The following DNAJC11 variants were observed in gnomAD, a reference collection of about 807,000 sequenced individuals.
The protein encoded by DNAJC11 is dnaJ homolog subfamily C member 11.
In DNAJC11, 15 loss-of-function variants were observed where a neutral mutation model predicts 78.6. The ratio of observed to expected loss-of-function variants is 0.19; its 90% CI spans 0.13 to 0.29. The LOEUF is 0.29. DNAJC11 is among the 10% of genes least tolerant of loss of function. The probability of loss-of-function intolerance (pLI) is 1.00; values close to 1 mark genes in which losing one functional copy is unlikely to be tolerated. For synonymous variants in DNAJC11, 292 were observed against 272.1 expected (o/e 1.07, Z -0.72); for missense variants, 547 against 709.6 (o/e 0.77, Z 2.60).
Position 6,645,852 on chromosome 1 carries a change from C to T in DNAJC11, c.831G>A (p.Gln277=), listed in dbSNP as rs749541279. ...GGACGATGCTAGTGTTCATGGCTGACTGGATACCCCATCGCCACTGCAGGT... is the reference window on the plus strand; with the variant it reads ...GGACGATGCTAGTGTTCATGGCTGATTGGATACCCCATCGCCACTGCAGGT... ...VGYLQWRWGI[Q]SAMNTSIVRD... The change falls in exon 8 of 16, where the codon CAG becomes CAA. Residue 277 remains glutamine, a synonymous_variant. Transcript: ENST00000377577. The surrounding 1 kb of genome is among the most constrained non-coding windows in gnomAD (Gnocchi z 4.1). The T allele has an allele frequency of 7.4e-6, 12 of 1,614,080 alleles. No homozygotes were observed. The highest frequency in any genetic ancestry group is 1.0e-5 in the Non-Finnish European group (12 of 1,180,048).
At chr1:6,701,613 C>T in intron 1 of DNAJC11, 116 bp downstream of exon 1, 1 of 1,081,380 alleles carries the variant, frequency 9.2e-7, no homozygotes, top group Non-Finnish European at 1.3e-6. Flanking sequence ...GGTCACGCGG[C>T]CTCCCCGACG....
chr1:6,688,170 T>C (rs1244838786), intron 1 of DNAJC11, among the ~76,000 whole-genome samples: 1 of 152,170 alleles, frequency 6.6e-6, no homozygotes, highest in African/African-American at 2.4e-5. Flanking sequence ...GAAAAGCCAT[T>C]GTTTCATCTT....
intron 9 of DNAJC11, 113 bp downstream of exon 9, chr1:6,644,928 G>A: frequency 9.5e-7 from 1 of 1,054,020 alleles, no homozygotes; most frequent in Non-Finnish European, 1.5e-6. Context: ...CTCCAAAAAT[G>A]TCACACACAC....
chr1:6,664,941 CAGAG>C (rs1399001690), intron 4 of DNAJC11, among the ~76,000 whole-genome samples: 5 of 152,144 alleles, frequency 3.3e-5, no homozygotes, highest in Non-Finnish European at 7.3e-5. Context: ...TTGACGAAAA[CAGAG>C]AGAAATATGC....
intron 11 of DNAJC11, 118 bp downstream of exon 11, chr1:6,639,784 C>T: frequency 8.7e-7 from 1 of 1,144,664 alleles, no homozygotes; most frequent in Non-Finnish European, 1.2e-6. Flanking sequence ...ACATGCATTA[C>T]TTAATTCAGG....
At chr1:6,640,161 G>T in intron 10 of DNAJC11, 104 bp from the exon 11 acceptor site, 1 of 1,371,288 alleles carries the variant, frequency 7.3e-7, no homozygotes. Flanking sequence ...TGTGCTGCGT[G>T]CAGCTGCGAG....
chr1:6,697,563 C>T (rs892718990), intron 1 of DNAJC11, among the ~76,000 whole-genome samples: 1 of 151,532 alleles, frequency 6.6e-6, no homozygotes, highest in African/African-American at 2.4e-5. Context: ...CTTGCTTGCC[C>T]GATGCTAACC....
intron 7 of DNAJC11, chr1:6,650,888 T>C (rs1642044519): frequency 3.1e-6 from 1 of 319,488 alleles, no homozygotes; most frequent in African/African-American, 2.2e-5. Context: ...AATAAATAAA[T>C]AAATAAAATA....
intron 4 of DNAJC11, among the ~76,000 whole-genome samples, chr1:6,663,113 C>T (rs543805225): frequency 3.3e-5 from 5 of 152,286 alleles, no homozygotes; most frequent in African/African-American, 9.6e-5. Context: ...TCAGCTATTA[C>T]ACAAACCATG....
chr1:6,665,562 G>A (rs1307078989), intron 4 of DNAJC11, among the ~76,000 whole-genome samples: 1 of 152,192 alleles, frequency 6.6e-6, no homozygotes, highest in Admixed American at 6.5e-5. Flanking sequence ...GTATTTGGAA[G>A]CAGTTTTATG....
intron 4 of DNAJC11, among the ~76,000 whole-genome samples, chr1:6,660,142 T>G (rs1052113683): frequency 6.7e-6 from 1 of 149,170 alleles, no homozygotes; most frequent in South Asian, 2.1e-4. Flanking sequence ...ACATCATTTC[T>G]CTCTCCTTCT....
At chr1:6,670,550 C>A (rs1278202639) in intron 3 of DNAJC11, 1 of 152,058 alleles carries the variant, frequency 6.6e-6, no homozygotes, top group Non-Finnish European at 1.5e-5. Context: ...CTACTTTAAA[C>A]ATTAAAAATA....
At chr1:6,637,810 A>C in intron 12 of DNAJC11, 1 of 504,986 alleles carries the variant, frequency 2.0e-6, no homozygotes, top group Non-Finnish European at 3.6e-6. Flanking sequence ...TGACCCAATA[A>C]AAAAACAATG....
At chr1:6,656,618 C>T (rs1370827929) in intron 4 of DNAJC11, among the ~76,000 whole-genome samples, 1 of 151,912 alleles carries the variant, frequency 6.6e-6, no homozygotes, top group Admixed American at 6.6e-5. Context: ...GTGGCTCACT[C>T]CTGCAATCCC....
intron 9 of DNAJC11, 110 bp downstream of exon 9, chr1:6,644,929 TCA>T (rs1479173811): frequency 1.9e-6 from 2 of 1,060,142 alleles, no homozygotes; most frequent in Non-Finnish European, 2.9e-6. Flanking sequence ...TCCAAAAATG[TCA>T]CACACACGTA....
chr1:6,669,082 G>A (rs961925332), intron 3 of DNAJC11, among the ~76,000 whole-genome samples: 2 of 151,720 alleles, frequency 1.3e-5, no homozygotes, highest in African/African-American at 4.8e-5. Context: ...AGCTACTTGG[G>A]AGGCTGAGGC....
In DNAJC11 at chr1:6,634,644, G is replaced by T; in HGVS notation, c.*1031C>A. On this transcript the variant is annotated 3_prime_UTR_variant, in exon 16 of 16. Coordinates refer to ENST00000377577, the MANE Select transcript of DNAJC11 (RefSeq NM_018198.4). ...CTTTACTGCAGCCGAGGTCCAGGCC[G>T]TGGAGGGGGTCCTAGCTCCGCTGCA... 1 of 1,366,518 alleles carries T rather than the reference G, an allele frequency of 7.3e-7. No individual in the cohort carries two copies. 84.6% of individuals were successfully genotyped at this position (1,366,518 alleles called of 1,614,324 possible).
chr1:6,683,232 TCTGGGGCAACACAGC>T (rs1247067111), intron 1 of DNAJC11, among the ~76,000 whole-genome samples: 1 of 152,138 alleles, frequency 6.6e-6, no homozygotes, highest in Non-Finnish European at 1.5e-5. Context: ...TGTGGTTCGC[TCTGGGGCAACACAGC>T]CTTCCATTCT....
At chr1:6,648,082 G>C (rs897087016) in intron 7 of DNAJC11, among the ~76,000 whole-genome samples, 2 of 152,146 alleles carry the variant, frequency 1.3e-5, no homozygotes, top group Non-Finnish European at 1.5e-5. Context: ...CCAAGCTTGT[G>C]TGACCTTAAG....
Sources: gnomAD v4.1 joint callset for allele counts (sites outside exome capture counted in the v4.1 genomes callset) on GRCh38, gnomAD v4.1.1 for gene constraint, Gnocchi (gnomAD v3.1) non-coding constraint, MANE v1.5 for transcripts, NCBI Gene and HGNC (gene_info 2026-07-23, HGNC 2026-07-21) for gene names.